Variants in SFMBT2 observed in about 807,000 individuals in gnomAD.
The protein encoded by SFMBT2 is scm-like with four MBT domains protein 2.
In SFMBT2, 38 loss-of-function variants were observed where a neutral mutation model predicts 110.1. The ratio of observed to expected loss-of-function variants is 0.35; its 90% CI spans 0.27 to 0.45. The LOEUF (loss-of-function observed/expected upper bound fraction) is 0.45. Ranked by LOEUF, SFMBT2 falls within the 20% of genes least tolerant of loss-of-function variation. SFMBT2 has a pLI of 1.00. For synonymous variants in SFMBT2, 425 were observed against 425.4 expected (o/e 1.00, Z 0.01); for missense variants, 1,011 against 1,094.9 (o/e 0.92, Z 1.08).
At chr10:7,406,989 G>C (rs1461488811) in intron 1 of SFMBT2, among the ~76,000 whole-genome samples, 5 of 146,772 alleles carry the variant, frequency 3.4e-5, no homozygotes, top group East Asian at 1.9e-4. Context: ...GGTTGGCGGG[G>C]GGGGAGGGAA....
chr10:7,382,234 A>C (rs1461316797), intron 1 of SFMBT2, among the ~76,000 whole-genome samples: 1 of 151,970 alleles, frequency 6.6e-6, no homozygotes, highest in African/African-American at 2.4e-5. Context: ...ACATGGTGAA[A>C]CCCTGTCTCT....
intron 1 of SFMBT2, among the ~76,000 whole-genome samples, chr10:7,404,718 T>A (rs1336683477): frequency 2.0e-5 from 3 of 152,242 alleles, no homozygotes; most frequent in Admixed American, 2.0e-4. Context: ...CCTAGACGTG[T>A]CATCTCATCA....
At chr10:7,386,271 G>A (rs964265726) in intron 1 of SFMBT2, among the ~76,000 whole-genome samples, 1 of 152,140 alleles carries the variant, frequency 6.6e-6, no homozygotes, top group African/African-American at 2.4e-5. Context: ...CAATAGTAGT[G>A]TCCTAGTGAG....
intron 4 of SFMBT2, among the ~76,000 whole-genome samples, chr10:7,327,562 T>C (rs956210922): frequency 2.6e-5 from 4 of 151,760 alleles, no homozygotes; most frequent in Non-Finnish European, 5.9e-5. Context: ...GTGCCTGTAA[T>C]CCCAGCTACT....
intron 4 of SFMBT2, among the ~76,000 whole-genome samples, chr10:7,353,825 C>A (rs1844407449): frequency 2.6e-5 from 4 of 152,090 alleles, no homozygotes; most frequent in Admixed American, 1.3e-4. Context: ...GTGGCTCATG[C>A]CTATAATCCC....
At chr10:7,265,036 G>C (rs1204579583) in intron 7 of SFMBT2, among the ~76,000 whole-genome samples, 5 of 151,246 alleles carry the variant, frequency 3.3e-5, no homozygotes, top group African/African-American at 4.9e-5. Flanking sequence ...TTTCAGGTTT[G>C]TGAGCAACAG....
At chr10:7,246,609 C>T (rs1840621221) in intron 8 of SFMBT2, among the ~76,000 whole-genome samples, 1 of 149,342 alleles carries the variant, frequency 6.7e-6, no homozygotes, top group South Asian at 2.1e-4. Context: ...ATCCCAGCTA[C>T]TCGGGAGGCT....
chr10:7,199,486 G>A (rs1189422016), intron 14 of SFMBT2, among the ~76,000 whole-genome samples: 2 of 152,184 alleles, frequency 1.3e-5, no homozygotes, highest in African/African-American at 4.8e-5. Context: ...ACCAGCAGAG[G>A]TAGGAAGCAG....
intron 4 of SFMBT2, chr10:7,347,992 T>C (rs1278945968): frequency 4.2e-6 from 1 of 240,296 alleles, no homozygotes; most frequent in African/African-American, 2.2e-5. Context: ...ACATTAGATG[T>C]AGAGATGAAA....
intron 10 of SFMBT2, among the ~76,000 whole-genome samples, chr10:7,226,439 T>G (rs114515573): frequency 0.014 from 2,169 of 152,366 alleles, 28 homozygotes; most frequent in African/African-American, 0.047. Flanking sequence ...TTTCATATTG[T>G]TATGTCTAGA....
At chr10:7,392,762 T>A (rs922610722) in intron 1 of SFMBT2, among the ~76,000 whole-genome samples, 1 of 151,802 alleles carries the variant, frequency 6.6e-6, no homozygotes, top group Admixed American at 6.6e-5. Flanking sequence ...TTATTTCTTC[T>A]AAAACTTGTA....
chr10:7,268,998 G>T (rs755556485), intron 7 of SFMBT2, among the ~76,000 whole-genome samples: 32 of 152,034 alleles, frequency 2.1e-4, no homozygotes, highest in Admixed American at 3.9e-4. Flanking sequence ...ATAGTATATG[G>T]ATAGTTTTGG....
In SFMBT2 at chr10:7,165,903, G is replaced by A. The variant is rs191572320; in HGVS notation, c.2545-1993C>T. ...AAATAAGTGTTTGGCTCTAGGTCGC[G>A]AAGAAACCAAGGGGACCTCTGGCCT... On this transcript the variant is annotated intron_variant, in intron 20 of 20. Transcript: ENST00000397167. 2.2e-3 allele frequency among the ~76,000 whole-genome samples: 334 copies of A among 152,350 alleles called. 1 individual carries two copies. The highest frequency in any genetic ancestry group is 3.7e-3 in the Non-Finnish European group (253 of 68,038).
At chr10:7,259,364 C>T (rs1266864295) in intron 7 of SFMBT2, among the ~76,000 whole-genome samples, 1 of 152,242 alleles carries the variant, frequency 6.6e-6, no homozygotes, top group East Asian at 1.9e-4. Context: ...CCAGAGCCTT[C>T]CTCACACCCC....
chr10:7,363,051 G>A (rs532531038), intron 4 of SFMBT2, among the ~76,000 whole-genome samples: 1 of 152,272 alleles, frequency 6.6e-6, no homozygotes, highest in South Asian at 2.1e-4. Context: ...CAACCCCCTT[G>A]ATATGGTTTG....
chr10:7,306,467 A>G (rs1047310886), intron 4 of SFMBT2, among the ~76,000 whole-genome samples: 1 of 152,216 alleles, frequency 6.6e-6, no homozygotes, highest in African/African-American at 2.4e-5. Flanking sequence ...CACAACAGTG[A>G]ACTGAGTAGC....
At chr10:7,316,664 T>G (rs1392170204) in intron 4 of SFMBT2, among the ~76,000 whole-genome samples, 1 of 152,168 alleles carries the variant, frequency 6.6e-6, no homozygotes, top group Non-Finnish European at 1.5e-5. Flanking sequence ...ACACAAAATA[T>G]GAAGAGAAGT....
At chr10:7,246,158 C>T (rs997436170) in intron 8 of SFMBT2, 38 of 984,640 alleles carry the variant, frequency 3.9e-5, no homozygotes, top group African/African-American at 1.1e-4. Context: ...GTATACGAAA[C>T]GGCATGACTT....
intron 4 of SFMBT2, among the ~76,000 whole-genome samples, chr10:7,338,155 C>G (rs1843774023): frequency 6.6e-6 from 1 of 152,220 alleles, no homozygotes; most frequent in South Asian, 2.1e-4. Flanking sequence ...TTGTCCTGCT[C>G]TGGGCTAACC....
Sources: allele counts gnomAD v4.1 joint callset (sites outside exome capture counted in the v4.1 genomes callset), GRCh38; gene constraint gnomAD v4.1.1; transcripts MANE v1.5; gene names NCBI Gene and HGNC (gene_info 2026-07-23, HGNC 2026-07-21).